URB1: variants seen among roughly 807,000 people sequenced by gnomAD.
The protein encoded by URB1 is nucleolar pre-ribosomal-associated protein 1.
A neutral mutation model predicts 242.3 loss-of-function variants in URB1; 197 were observed. That is an observed-to-expected ratio of 0.81 (90% CI 0.72 to 0.91). URB1 has a LOEUF of 0.91. Ranked by LOEUF, URB1 falls within the 40% of genes least tolerant of loss-of-function variation. URB1 has a pLI of 0.00. For synonymous variants in URB1, 1,153 were observed against 1,201.8 expected (o/e 0.96, Z 0.84); for missense variants, 2,721 against 2,860.5 (o/e 0.95, Z 1.11).
At position 32,321,808 on chromosome 21, in the gene URB1, G is replaced by A. The variant is rs769146630; in HGVS notation, c.5477C>T (p.Ala1826Val). The change falls in exon 34 of 39, where the codon GCA becomes GTA. Residue 1826 changes from alanine to valine, a missense_variant. By Grantham distance (64) the Ala-to-Val change is moderately conservative. Coordinates refer to ENST00000382751, the MANE Select transcript of URB1 (RefSeq NM_014825.3). ...SFFHSPLCDE[A>V]AQNWILEILQ... ...CTTGCGGAACCCATGTACCTGTGCTGCCTCGTCACACAGCGGGCTGTGGAA... is the reference window on the plus strand; with the variant it reads ...CTTGCGGAACCCATGTACCTGTGCTACCTCGTCACACAGCGGGCTGTGGAA... 7 of 1,551,702 alleles carry A rather than the reference G, an allele frequency of 4.5e-6. 1 individual carries two copies. Among genetic ancestry groups the A allele is most frequent in the South Asian group, 3.6e-5 (3 of 84,062 alleles).
At chr21:32,383,914 C>T (rs1017009549) in intron 3 of URB1, among the ~76,000 whole-genome samples, 2 of 152,286 alleles carry the variant, frequency 1.3e-5, no homozygotes, top group South Asian at 2.1e-4. Flanking sequence ...GAGCTCTTGG[C>T]TGTCTTTCCG....
chr21:32,312,008 C>T lies in URB1; in HGVS notation c.*2910G>A, dbSNP rs199770057. ...AATTGCAGAGCTGATGTCAGTAAATCGTGGCCATAGCTGAGTGAACTGGTG... is the reference window on the plus strand; with the variant it reads ...AATTGCAGAGCTGATGTCAGTAAATTGTGGCCATAGCTGAGTGAACTGGTG... On this transcript the variant is annotated 3_prime_UTR_variant, in exon 39 of 39. Coordinates refer to ENST00000382751, the MANE Select transcript of URB1 (RefSeq NM_014825.3). The T allele has an allele frequency of 1.2e-5, 20 of 1,612,918 alleles. No individual in the cohort carries two copies. The East Asian group carries it at 2.2e-4, about 18-fold the overall frequency.
intron 16 of URB1, 117 bp from the exon 17 acceptor site, chr21:32,355,114 G>A: frequency 7.8e-7 from 1 of 1,288,204 alleles, no homozygotes; most frequent in Non-Finnish European, 1.0e-6. Flanking sequence ...TCCTTAATTA[G>A]AATAGTTTTA....
chr21:32,352,959 G>A, intron 18 of URB1, 53 bp from the exon 19 acceptor site: 1 of 1,482,878 alleles, frequency 6.7e-7, no homozygotes, highest in Non-Finnish European at 9.0e-7. Flanking sequence ...CCACCCTTCT[G>A]TGACCTACCA....
At chr21:32,326,198 AAG>A (rs1226823521) in intron 30 of URB1, among the ~76,000 whole-genome samples, 1 of 152,258 alleles carries the variant, frequency 6.6e-6, no homozygotes, top group Non-Finnish European at 1.5e-5. Flanking sequence ...AAATACTGTC[AAG>A]AAGAACCTTA....
At chr21:32,365,148 A>C (rs1418593599) in intron 10 of URB1, among the ~76,000 whole-genome samples, 1 of 152,246 alleles carries the variant, frequency 6.6e-6, no homozygotes, top group Non-Finnish European at 1.5e-5. Context: ...TGCAGCCCAC[A>C]GAGGAGGCAC....
At chr21:32,332,209 A>T (rs551313779) in intron 30 of URB1, among the ~76,000 whole-genome samples, 1 of 152,252 alleles carries the variant, frequency 6.6e-6, no homozygotes, top group East Asian at 1.9e-4. Flanking sequence ...GTAAAACTAG[A>T]AACTTTTAGA....
At chr21:32,324,402 C>T in intron 32 of URB1, 89 bp downstream of exon 32, 1 of 1,064,390 alleles carries the variant, frequency 9.4e-7, no homozygotes, top group Non-Finnish European at 1.4e-6. Flanking sequence ...GATGTGTGAC[C>T]CACTATACCT....
chr21:32,359,093 G>A (rs553757485), intron 14 of URB1, among the ~76,000 whole-genome samples: 5 of 152,292 alleles, frequency 3.3e-5, no homozygotes, highest in South Asian at 2.1e-4. Flanking sequence ...GAAATGTCGC[G>A]TGTAGAAATG....
chr21:32,393,011 A>G lies in URB1; in HGVS notation c.-101T>C. 6 of 1,329,572 alleles carry G rather than the reference A, an allele frequency of 4.5e-6. No homozygotes were observed. In the South Asian group the frequency reaches 9.5e-5, roughly 21 times the overall value. The allele number at this position is 1,329,572 out of a possible 1,614,324, so 82.4% of individuals were successfully genotyped here. On this transcript the variant is annotated 5_prime_UTR_variant, in exon 1 of 39. Transcript: ENST00000382751. ...CACGCGCTTCAGGCCCACATGGCGCAGGAAGAGGCGGGGCTGGCGGAAGAG... is the reference window on the plus strand; with the variant it reads ...CACGCGCTTCAGGCCCACATGGCGCGGGAAGAGGCGGGGCTGGCGGAAGAG...
chr21:32,314,687 C>A lies in URB1; in HGVS notation c.*231G>T. The stretch of plus-strand genomic sequence containing the variant: ...TGGATGGGCCTCATGGCCTAGAAGT[C>A]CCCACATTCCTTGCAACTCTGATGC... On this transcript the variant is annotated 3_prime_UTR_variant, in exon 39 of 39. Transcript: ENST00000382751. 6.3e-7 allele frequency: 1 copy of A among 1,593,968 alleles called. No individual in the cohort carries two copies. The highest frequency in any genetic ancestry group is 1.1e-5 in the South Asian group (1 of 90,584).
At chr21:32,355,151 T>C (rs2033204877) in intron 16 of URB1, among the ~76,000 whole-genome samples, 154 bp from the exon 17 acceptor site, 1 of 152,220 alleles carries the variant, frequency 6.6e-6, no homozygotes, top group Non-Finnish European at 1.5e-5. Flanking sequence ...AAACTTTTTA[T>C]TGTGGAGTTA....
intron 30 of URB1, among the ~76,000 whole-genome samples, chr21:32,328,117 A>C (rs2032851307): frequency 6.6e-6 from 1 of 152,220 alleles, no homozygotes; most frequent in African/African-American, 2.4e-5. Context: ...ATAGCAGTTT[A>C]GGAACAAAAT....
At chr21:32,316,331 G>A in intron 38 of URB1, 135 bp downstream of exon 38, 2 of 1,342,840 alleles carry the variant, frequency 1.5e-6, no homozygotes, top group Non-Finnish European at 9.8e-7. Context: ...ACCGTAAGGG[G>A]CCACCTAAAC....
At chr21:32,357,723 T>G in intron 14 of URB1, 67 bp from the exon 15 acceptor site, 1 of 1,180,980 alleles carries the variant, frequency 8.5e-7, no homozygotes, top group Non-Finnish European at 1.1e-6. Context: ...AATATATAGT[T>G]ATATATTAGA....
rs577794858 is a variant in URB1, at chr21:32,340,364, C to A, written c.4316+1102G>T. On this transcript the variant is annotated intron_variant, in intron 25 of 38. Transcript: ENST00000382751. ...CAGTGGCTTACGCCTGTAATCCCAG[C>A]ACTTTGGGAGGCCGAGGCAGGTGGA... is the stretch of plus-strand genomic sequence containing the variant. Among the ~76,000 whole-genome samples the A allele has an allele frequency of 3.9e-5, 6 of 152,336 alleles. No individual in the cohort carries two copies. The East Asian group carries it at 9.7e-4, about 25-fold the overall frequency.
rs1460499338 is a variant in URB1, at chr21:32,392,836, GGC to G, written c.73_74del (p.Ala25ProfsTer41). On this transcript the variant is annotated frameshift_variant, in exon 1 of 39. Transcript: ENST00000382751. LOFTEE classifies it high-confidence loss of function. The stretch of plus-strand genomic sequence containing the variant: ...GCACGCCCGTGAGCTCTTCTTTGCG[GGC>G]GCGCTTGGCTGCACCCGCGGAGGAA... ...AASSAGAAKR[A>X]RKEELTGVRF... The G allele has an allele frequency of 6.5e-7, 1 of 1,532,876 alleles. No individual in the cohort carries two copies. The highest frequency in any genetic ancestry group is 1.2e-5 in the South Asian group (1 of 83,396). The allele number at this position is 1,532,876 out of a possible 1,614,324, so 95.0% of individuals were successfully genotyped here.
rs192220454 is a variant in URB1 at position 32,372,751 on chromosome 21, T to C, written c.877-120A>G. The C allele has an allele frequency of 2.5e-4, 279 of 1,124,260 alleles. 1 individual carries two copies. The East Asian group carries it at 6.0e-3, about 24-fold the overall frequency. The allele number at this position is 1,124,260 out of a possible 1,614,324, so 69.6% of individuals were successfully genotyped here. On this transcript the variant is annotated intron_variant, in intron 7 of 38. Coordinates refer to ENST00000382751, the MANE Select transcript of URB1 (RefSeq NM_014825.3). ...ACAATTTAGAAAACATTTTAAATAC[T>C]TGGTGTCATTCCAAACAATAAATGA... is the stretch of plus-strand genomic sequence containing the variant.
At chr21:32,374,172 A>G (rs969101877) in intron 6 of URB1, among the ~76,000 whole-genome samples, 4 of 152,200 alleles carry the variant, frequency 2.6e-5, no homozygotes, top group Non-Finnish European at 4.4e-5. Flanking sequence ...CAACTTATCT[A>G]ACCATTCCCC....
Sources: gnomAD v4.1 joint callset for allele counts (sites outside exome capture counted in the v4.1 genomes callset) on GRCh38, gnomAD v4.1.1 for gene constraint, MANE v1.5 for transcripts, NCBI Gene and HGNC (gene_info 2026-07-23, HGNC 2026-07-21) for gene names.